RHNO1: variants seen among roughly 807,000 people sequenced by gnomAD.
The protein encoded by RHNO1 is RAD9, HUS1, RAD1-interacting nuclear orphan protein 1.
Under a neutral mutation model 7.2 loss-of-function variants are expected in RHNO1, and 9 were observed. The observed-to-expected ratio is 1.25, with a 90% CI of 0.75 to 2.18. The LOEUF (loss-of-function observed/expected upper bound fraction) is 2.18. Among genes scored for constraint, RHNO1 ranks in the 30% most tolerant of loss-of-function variants. The pLI, the probability that RHNO1 is intolerant of heterozygous loss-of-function variation, is 0.00. For missense variants in RHNO1, 292 were observed against 284.5 expected, an observed-to-expected ratio of 1.03 and a Z score of -0.19; for synonymous variants, 95 against 107.5, an observed-to-expected ratio of 0.88 and a Z score of 0.72.
Position 2,887,834 on chromosome 12 carries a change from G to GTCTGGTCATCAGATACAGTTTCCTC in RHNO1, c.169-73_169-49dup. The GTCTGGTCATCAGATACAGTTTCCTC allele has an allele frequency of 2.5e-6, 3 of 1,198,564 alleles. No individual in the cohort carries two copies. The South Asian group carries it at 4.9e-5, about 19-fold the overall frequency. The allele number at this position is 1,198,564 out of a possible 1,614,324, so 74.2% of individuals were successfully genotyped here. Reference sequence around the variant, plus strand: ...TACTACAGTAGACCCCGATTTAAGAGTCTGGTCATCAGATACAGTTTCCTC... The same window carrying GTCTGGTCATCAGATACAGTTTCCTC: ...TACTACAGTAGACCCCGATTTAAGAGTCTGGTCATCAGATACAGTTTCCTCTCTGGTCATCAGATACAGTTTCCTC... On this transcript the variant is annotated intron_variant, in intron 2 of 2. Transcript: ENST00000489288.
chr12:2,889,166 A>G lies in RHNO1; in HGVS notation c.*707A>G, dbSNP rs903027321. The G allele has an allele frequency of 1.3e-5, 2 of 150,666 alleles. No individual in the cohort carries two copies. The highest frequency in any genetic ancestry group is 5.0e-5 in the African/African-American group (2 of 40,016). 9.3% of individuals were successfully genotyped at this position (150,666 alleles called of 1,614,324 possible). A position where few individuals can be genotyped will look rare whatever the true frequency, so the allele number is the denominator to read the frequency against. ...GAAAAAAATCAAACTCTGTGACTCT[A>G]TGGTTGACTGCCACCTCTGCAACCT... is the stretch of plus-strand genomic sequence containing the variant. On this transcript the variant is annotated 3_prime_UTR_variant, in exon 3 of 3. Transcript: ENST00000489288.
intron 1 of RHNO1, among the ~76,000 whole-genome samples, chr12:2,882,137 A>C (rs945871398): frequency 6.6e-6 from 1 of 151,704 alleles, no homozygotes; most frequent in Non-Finnish European, 1.5e-5. Context: ...TCCACCAAAG[A>C]AGCCCTTATT....
chr12:2,877,220 G>C (rs554712888), upstream of RHNO1: 3 of 152,368 alleles, frequency 2.0e-5, no homozygotes, highest in South Asian at 6.2e-4. Flanking sequence ...GCCTTGTCTC[G>C]GCATTCCGGG....
In RHNO1 at chr12:2,886,941, T is replaced by G. The variant is rs1166474098; in HGVS notation, c.169-970T>G. 3 of 455,804 alleles carry G rather than the reference T, an allele frequency of 6.6e-6. No homozygotes were observed. The East Asian group carries it at 2.1e-4, about 32-fold the overall frequency. 28.2% of individuals were successfully genotyped at this position (455,804 alleles called of 1,614,324 possible). On this transcript the variant is annotated intron_variant, in intron 2 of 2. Coordinates refer to ENST00000489288, the MANE Select transcript of RHNO1 (RefSeq NM_001252499.3). ...TAGTTCTCACCCGCTATGCTTGGAG[T>G]TGGCTATTCATTAACTGAGGGCCTT...
rs148952518 is a variant in RHNO1, at chr12:2,888,719, G to A, written c.*260G>A. 3.6e-3 allele frequency: 1,136 copies of A among 313,780 alleles called. 11 individuals are homozygous for A. The highest frequency in any genetic ancestry group is 0.022 in the African/African-American group (1,038 of 47,344). 19.4% of individuals were successfully genotyped at this position (313,780 alleles called of 1,614,324 possible). A position where few individuals can be genotyped will look rare whatever the true frequency, so the allele number is the denominator to read the frequency against. ...ATTTTTTTGTATTTTTAGTAGAGAT[G>A]TGGTTTCTCCATGTTGGCCAGGCTG... On this transcript the variant is annotated 3_prime_UTR_variant, in exon 3 of 3. Coordinates refer to ENST00000489288, the MANE Select transcript of RHNO1 (RefSeq NM_001252499.3).
intron 2 of RHNO1, 63 bp from the exon 3 acceptor site, chr12:2,887,842 ATCAGAT>A (rs1236442125): frequency 1.5e-5 from 19 of 1,281,908 alleles, no homozygotes; most frequent in African/African-American, 3.0e-5. Flanking sequence ...GAGTCTGGTC[ATCAGAT>A]ACAGTTTCCT....
At chr12:2,879,368 T>C in intron 1 of RHNO1, among the ~76,000 whole-genome samples, 1 of 151,808 alleles carries the variant, frequency 6.6e-6, no homozygotes, top group African/African-American at 2.4e-5. Context: ...GTTCTGGCTC[T>C]GTCACTCAGG....
At chr12:2,879,746 C>G (rs957681358) in intron 1 of RHNO1, among the ~76,000 whole-genome samples, 7 of 151,678 alleles carry the variant, frequency 4.6e-5, no homozygotes, top group African/African-American at 1.7e-4. Flanking sequence ...ATATTGAAGT[C>G]ATCTACTTCT....
At chr12:2,881,935 CTG>C (rs903195771) in intron 1 of RHNO1, among the ~76,000 whole-genome samples, 7 of 151,072 alleles carry the variant, frequency 4.6e-5, no homozygotes, top group African/African-American at 1.7e-4. Flanking sequence ...AAAAGAGAAA[CTG>C]TGTCCTTTTT....
intron 2 of RHNO1, 89 bp downstream of exon 2, chr12:2,885,623 G>GGA (rs1409618684): frequency 7.7e-6 from 9 of 1,167,426 alleles, no homozygotes; most frequent in Non-Finnish European, 1.0e-5. Context: ...CGCCCAGGCT[G>GGA]GAGCACAGTG....
In RHNO1 at chr12:2,885,560, CATTTTTTTTTTTTT is replaced by C. The variant is rs2098164544; in HGVS notation, c.168+27_168+40del. 5.9e-4 allele frequency: 432 copies of C among 735,496 alleles called. 1 individual carries two copies. The highest frequency in any genetic ancestry group is 7.3e-4 in the South Asian group (36 of 49,296). 45.6% of individuals were successfully genotyped at this position (735,496 alleles called of 1,614,324 possible). ...GTAGGCCCATGGGATTACTATTTGA[CATTTTTTTTTTTTT>C]TTTTTTTTTTTTTTTTTTGAGACGG... On this transcript the variant is annotated intron_variant, in intron 2 of 2. Coordinates refer to ENST00000489288, the MANE Select transcript of RHNO1 (RefSeq NM_001252499.3).
intron 1 of RHNO1, among the ~76,000 whole-genome samples, chr12:2,881,133 C>T (rs1211385650): frequency 1.3e-5 from 2 of 152,002 alleles, no homozygotes; most frequent in Non-Finnish European, 2.9e-5. Context: ...GACTGAATCT[C>T]GCTCTGTTGC....
At chr12:2,884,354 G>A (rs1164350406) in intron 1 of RHNO1, among the ~76,000 whole-genome samples, 1 of 152,178 alleles carries the variant, frequency 6.6e-6, no homozygotes. Context: ...AGCCTCCTGA[G>A]TAGCTGGGAC....
chr12:2,879,265 CA>C (rs574297832), intron 1 of RHNO1, among the ~76,000 whole-genome samples: 5 of 152,212 alleles, frequency 3.3e-5, no homozygotes, highest in African/African-American at 9.6e-5. Context: ...TCACCTTTCA[CA>C]GTGTTGGCAT....
At chr12:2,884,024 G>A (rs1221541747) in intron 1 of RHNO1, among the ~76,000 whole-genome samples, 1 of 151,984 alleles carries the variant, frequency 6.6e-6, no homozygotes, top group Non-Finnish European at 1.5e-5. Context: ...TCTGCTTAAA[G>A]TCCAAACTCA....
At chr12:2,887,045 A>G (rs2907609) in intron 2 of RHNO1, 189,201 of 450,752 alleles carry the variant, frequency 0.42, 41,943 homozygotes, top group East Asian at 0.64. Context: ...GTTTAAAGAT[A>G]AATAAGTTAT....
upstream of RHNO1, chr12:2,876,959 C>T (rs1471908419): frequency 1.3e-5 from 2 of 152,168 alleles, no homozygotes; most frequent in African/African-American, 4.8e-5. Context: ...GCCGTAGCTC[C>T]GAAGGCGGGC....
At chr12:2,878,469 G>T (rs2098152067) in intron 1 of RHNO1, among the ~76,000 whole-genome samples, 1 of 152,076 alleles carries the variant, frequency 6.6e-6, no homozygotes, top group Non-Finnish European at 1.5e-5. Flanking sequence ...TGAAGCTGGA[G>T]CCGGAGGAAG....
rs997255848 is a variant in RHNO1 at position 2,877,279 on chromosome 12, G to C, written c.-88G>C. 1.3e-5 allele frequency: 2 copies of C among 152,264 alleles called. No homozygotes were observed. Among genetic ancestry groups the C allele is most frequent in the Non-Finnish European group, 2.9e-5 (2 of 68,052 alleles). The allele number at this position is 152,264 out of a possible 1,614,324, so 9.4% of individuals were successfully genotyped here. ...GGAGCTGCGGCCCCGTCCGGCCCGG[G>C]CTGGTAAGGCGGACCGCAGGCCGGC... On this transcript the variant is annotated 5_prime_UTR_variant, in exon 1 of 3. Coordinates refer to ENST00000489288, the MANE Select transcript of RHNO1 (RefSeq NM_001252499.3).
Sources: allele counts gnomAD v4.1 joint callset (sites outside exome capture counted in the v4.1 genomes callset), GRCh38; gene constraint gnomAD v4.1.1; transcripts MANE v1.5; gene names NCBI Gene and HGNC (gene_info 2026-07-23, HGNC 2026-07-21).